Variants in VPS50 observed in about 807,000 individuals in gnomAD.
VPS50 encodes the protein VPS50 subunit of EARP/GARPII complex, also known as syndetin.
Under a neutral mutation model 139.7 loss-of-function variants are expected in VPS50, and 70 were observed. The observed-to-expected ratio is 0.50, with a 90% CI of 0.41 to 0.61. The LOEUF is 0.61. Among genes scored for constraint, VPS50 ranks in the 20% least tolerant of loss-of-function variants. The probability of loss-of-function intolerance (pLI) is 0.00; values close to 1 mark genes in which losing one functional copy is unlikely to be tolerated. For synonymous variants in VPS50, 365 were observed against 376.7 expected (o/e 0.97, Z 0.36); for missense variants, 921 against 1,133.7 (o/e 0.81, Z 2.69).
intron 14 of VPS50, among the ~76,000 whole-genome samples, chr7:93,295,850 G>T (rs991704929): frequency 1.3e-5 from 2 of 151,992 alleles, no homozygotes; most frequent in African/African-American, 4.8e-5. Flanking sequence ...TCAGCCTCCT[G>T]AGTAGCTGGG....
At chr7:93,242,505 A>G (rs1795024474) in intron 2 of VPS50, among the ~76,000 whole-genome samples, 1 of 151,808 alleles carries the variant, frequency 6.6e-6, no homozygotes. Context: ...AACATAGAAA[A>G]TTCTCACAGT....
In VPS50 at chr7:93,323,745, T is replaced by A. The variant is rs966468596; in HGVS notation, c.1977+13T>A. On this transcript the variant is annotated intron_variant, in intron 21 of 27. Transcript: ENST00000305866. ...TCGGAATGATTCAGTAAGTCCACCT[T>A]TAGAGGGAAAAAAATCTTTCTTTTA... 2.2e-6 allele frequency: 3 copies of A among 1,368,188 alleles called. No homozygotes were observed. The highest frequency in any genetic ancestry group is 2.0e-6 in the Non-Finnish European group (2 of 1,021,882). 84.8% of individuals were successfully genotyped at this position (1,368,188 alleles called of 1,614,324 possible).
chr7:93,282,286 C>G (rs1030861888), intron 12 of VPS50, among the ~76,000 whole-genome samples: 2 of 151,636 alleles, frequency 1.3e-5, no homozygotes, highest in African/African-American at 4.8e-5. Context: ...CGGTATTTCA[C>G]TGTAAGTGAT....
intron 9 of VPS50, among the ~76,000 whole-genome samples, chr7:93,268,464 T>C (rs1795908260): frequency 6.6e-6 from 1 of 152,152 alleles, no homozygotes; most frequent in Admixed American, 6.6e-5. Context: ...TAGCTATTTT[T>C]CCTGATGCTC....
intron 6 of VPS50, 46 bp downstream of exon 6, chr7:93,257,510 C>A: frequency 9.9e-7 from 1 of 1,007,076 alleles, no homozygotes. Flanking sequence ...AACAATATTT[C>A]AAGAATAACT....
At chr7:93,334,223 T>C in intron 22 of VPS50, 26 bp downstream of exon 22, 1 of 1,227,476 alleles carries the variant, frequency 8.1e-7, no homozygotes, top group South Asian at 1.3e-5. Flanking sequence ...GAATAAATTC[T>C]TTTGGATTAT....
intron 12 of VPS50, among the ~76,000 whole-genome samples, chr7:93,284,803 T>C (rs1279396882): frequency 6.6e-6 from 1 of 152,202 alleles, no homozygotes; most frequent in Non-Finnish European, 1.5e-5. Context: ...AGTGACAAAG[T>C]TGGGCTCCAA....
intron 2 of VPS50, 53 bp downstream of exon 2, chr7:93,239,987 T>C: frequency 1.9e-6 from 2 of 1,031,166 alleles, no homozygotes; most frequent in Non-Finnish European, 3.1e-6. Flanking sequence ...GAAAATATGA[T>C]TGCCTCTGGA....
chr7:93,324,942 C>A (rs1797725529), intron 21 of VPS50, among the ~76,000 whole-genome samples: 1 of 152,102 alleles, frequency 6.6e-6, no homozygotes, highest in African/African-American at 2.4e-5. Flanking sequence ...TTGGAAAAAA[C>A]TACTTTAAAG....
At chr7:93,356,772 A>G (rs916176471) in intron 27 of VPS50, among the ~76,000 whole-genome samples, 2 of 152,166 alleles carry the variant, frequency 1.3e-5, no homozygotes, top group African/African-American at 4.8e-5. Context: ...CATTGCTTTG[A>G]TAACTCTAGG....
Position 93,308,926 on chromosome 7 carries a change from G to C in VPS50, c.1732G>C (p.Asp578His). Residue 578 changes from aspartate (D) to histidine (H), a missense_variant, in exon 19 of 28, where the codon GAT becomes CAT. This residue lies in a region of VPS50 where 744 missense variants were observed against 930.6 expected (regional missense o/e 0.80). Transcript: ENST00000305866. ...KRDYVDEQTGDGPVKSVSRET... is the reference protein window; with the variant it reads ...KRDYVDEQTGHGPVKSVSRET... The stretch of plus-strand genomic sequence containing the variant: ...AGACTATGTGGATGAGCAGACAGGA[G>C]ATGGTCCTGTGAAAAGGTGATTGTT... 1 of 1,564,446 alleles carries C rather than the reference G, an allele frequency of 6.4e-7. No individual in the cohort carries two copies. The highest frequency in any genetic ancestry group is 1.7e-5 in the Admixed American group (1 of 59,724).
chr7:93,266,266 T>A (rs1389957497), intron 9 of VPS50, among the ~76,000 whole-genome samples: 3 of 152,204 alleles, frequency 2.0e-5, no homozygotes, highest in African/African-American at 7.2e-5. Flanking sequence ...CAGCATATAA[T>A]AGAATCATGA....
rs71528064 is a variant in VPS50 at position 93,322,599 on chromosome 7, C to CAAA, written c.1856-991_1856-989dup. Among the ~76,000 whole-genome samples, 621 of 65,578 alleles carry CAAA rather than the reference C, an allele frequency of 9.5e-3. 27 individuals carry two copies. The highest frequency in any genetic ancestry group is 0.028 in the African/African-American group (505 of 17,754). The allele number at this position is 65,578 out of a possible 152,430, so 43.0% of individuals were successfully genotyped here. A position where few individuals can be genotyped will look rare whatever the true frequency, so the allele number is the denominator to read the frequency against. ...TGGGCGACAGAGCGAGACTCCGTCTCAAAAAAAAAAAAAAAAAAAAAAATA... is the reference window on the plus strand; with the variant it reads ...TGGGCGACAGAGCGAGACTCCGTCTCAAAAAAAAAAAAAAAAAAAAAAAAAATA... On this transcript the variant is annotated intron_variant, in intron 20 of 27. Transcript: ENST00000305866.
At chr7:93,300,133 C>G (rs73218101) in intron 16 of VPS50, among the ~76,000 whole-genome samples, 22,528 of 151,896 alleles carry the variant, frequency 0.15, 2,703 homozygotes, top group East Asian at 0.4. Context: ...GCTGACAAAA[C>G]AAAACATAGA....
chr7:93,348,054 G>A (rs1475456659), intron 23 of VPS50, among the ~76,000 whole-genome samples: 1 of 151,724 alleles, frequency 6.6e-6, no homozygotes, highest in Non-Finnish European at 1.5e-5. Context: ...TACAATTAAC[G>A]CATATAACTT....
intron 21 of VPS50, among the ~76,000 whole-genome samples, chr7:93,325,518 AC>A (rs1458838636): frequency 1.2e-4 from 18 of 152,050 alleles, no homozygotes; most frequent in African/African-American, 4.3e-4. Flanking sequence ...CAGGCAACCT[AC>A]AAAATGGGAG....
chr7:93,270,251 A>T (rs886868601), intron 9 of VPS50, among the ~76,000 whole-genome samples: 2 of 151,954 alleles, frequency 1.3e-5, no homozygotes, highest in African/African-American at 4.8e-5. Flanking sequence ...ACCACCTAGA[A>T]GTAGAAACAG....
intron 21 of VPS50, among the ~76,000 whole-genome samples, chr7:93,329,087 C>A (rs1797864079): frequency 6.6e-6 from 1 of 152,160 alleles, no homozygotes; most frequent in Non-Finnish European, 1.5e-5. Context: ...TGTAATCCAA[C>A]TTTACCTAAC....
At chr7:93,312,486 CA>C (rs755625892) in intron 20 of VPS50, among the ~76,000 whole-genome samples, 12 of 152,144 alleles carry the variant, frequency 7.9e-5, no homozygotes, top group Non-Finnish European at 1.8e-4. Flanking sequence ...CTCATTCTAT[CA>C]TTAGACTGAT....
Sources: gnomAD v4.1 joint callset for allele counts (sites outside exome capture counted in the v4.1 genomes callset) on GRCh38, gnomAD v4.1.1 for gene constraint, gnomAD v4.1.1 regional missense constraint, MANE v1.5 for transcripts, NCBI Gene and HGNC (gene_info 2026-07-23, HGNC 2026-07-21) for gene names.